Variants in COL24A1 observed in about 807,000 individuals in gnomAD.
COL24A1 encodes collagen type XXIV alpha 1 chain.
COL24A1 carries 224 observed loss-of-function variants against 253.9 expected under a neutral mutation model. That is an observed-to-expected ratio of 0.88 (90% CI 0.79 to 0.99). The LOEUF (loss-of-function observed/expected upper bound fraction) is 0.99. Ranked by LOEUF, COL24A1 falls within the 50% of genes least tolerant of loss-of-function variation. COL24A1 has a pLI of 0.00. For synonymous variants in COL24A1, 685 were observed against 673.7 expected (o/e 1.02, Z -0.26); for missense variants, 2,131 against 2,068.5 (o/e 1.03, Z -0.59).
At chr1:86,123,505 A>G (rs1248323796) in intron 3 of COL24A1, among the ~76,000 whole-genome samples, 1 of 152,108 alleles carries the variant, frequency 6.6e-6, no homozygotes, top group Non-Finnish European at 1.5e-5. Context: ...AGTTATACAT[A>G]CTTTGTGTTC....
At position 85,774,998 on chromosome 1, in the gene COL24A1, G is replaced by A. The variant is rs551809655; in HGVS notation, c.4374+676C>T. ...TCTTAGATCTTTCCTGCTTTCTCTC[G>A]TGGGCATTTAGTGCTATAAATTTCC... On this transcript the variant is annotated intron_variant, in intron 53 of 59. Coordinates refer to ENST00000370571, the MANE Select transcript of COL24A1 (RefSeq NM_152890.7). 3.9e-5 allele frequency among the ~76,000 whole-genome samples: 6 copies of A among 152,146 alleles called. No homozygotes were observed. The South Asian group carries it at 6.2e-4, about 16-fold the overall frequency.
intron 5 of COL24A1, among the ~76,000 whole-genome samples, chr1:86,103,055 G>C (rs2102060081): frequency 6.6e-6 from 1 of 152,272 alleles, no homozygotes; most frequent in Non-Finnish European, 1.5e-5. Flanking sequence ...TATGAATCTG[G>C]TTGCTCCTGT....
chr1:85,781,356 A>C, intron 51 of COL24A1, 83 bp from the exon 52 acceptor site: 15 of 893,952 alleles, frequency 1.7e-5, no homozygotes, highest in Non-Finnish European at 2.6e-5. Context: ...TACAATGGTA[A>C]AAGAGCCATG....
At chr1:86,028,584 C>A (rs1698261794) in intron 14 of COL24A1, among the ~76,000 whole-genome samples, 2 of 152,238 alleles carry the variant, frequency 1.3e-5, no homozygotes, top group African/African-American at 4.8e-5. Flanking sequence ...CAATGTGGAA[C>A]TGTGAGTCAA....
chr1:85,755,386 T>C (rs2101037174), intron 55 of COL24A1, among the ~76,000 whole-genome samples: 1 of 152,246 alleles, frequency 6.6e-6, no homozygotes, highest in East Asian at 1.9e-4. Flanking sequence ...AGTTACAATA[T>C]AGTAAATATA....
chr1:86,070,691 G>A (rs1487340011), intron 7 of COL24A1, among the ~76,000 whole-genome samples: 1 of 152,134 alleles, frequency 6.6e-6, no homozygotes, highest in Non-Finnish European at 1.5e-5. Context: ...CATATTTAAA[G>A]TGCTGAAGGA....
Position 85,730,606 on chromosome 1 carries a change from A to G in COL24A1, c.5085T>C (p.Leu1695=), listed in dbSNP as rs1427014630. The G allele has an allele frequency of 1.9e-5, 31 of 1,614,026 alleles. No homozygotes were observed. The highest frequency in any genetic ancestry group is 2.4e-5 in the Non-Finnish European group (28 of 1,179,916). The part of the protein sequence containing the change: ...NQLPVIEVQK[L]PHLKTERKYY... The stretch of plus-strand genomic sequence containing the variant: ...ACTTTCGTTCAGTTTTGAGATGAGG[A>G]AGTTTTTGTACTTCAATCACTGGAA... The change falls in exon 60 of 60, where the codon CTT becomes CTC. Residue 1695 remains leucine, a synonymous_variant. Transcript: ENST00000370571.
intron 13 of COL24A1, among the ~76,000 whole-genome samples, chr1:86,033,275 C>A (rs931951550): frequency 2.8e-4 from 43 of 152,058 alleles, no homozygotes; most frequent in African/African-American, 9.4e-4. Flanking sequence ...ACTTTAAAAT[C>A]TTATGAAAAG....
intron 47 of COL24A1, among the ~76,000 whole-genome samples, chr1:85,813,817 C>G (rs904607461): frequency 2.6e-5 from 4 of 152,024 alleles, no homozygotes; most frequent in African/African-American, 9.7e-5. Context: ...TCCCAAAGTG[C>G]TGGGATTACA....
intron 47 of COL24A1, among the ~76,000 whole-genome samples, chr1:85,796,896 T>G (rs569909605): frequency 1.7e-4 from 26 of 152,130 alleles, no homozygotes; most frequent in Admixed American, 3.9e-4. Context: ...TCCTAACAAC[T>G]ATGCAAAGAA....
At chr1:85,823,932 TTTTC>T (rs762249294) in intron 43 of COL24A1, among the ~76,000 whole-genome samples, 194 bp from the exon 44 acceptor site, 22 of 151,716 alleles carry the variant, frequency 1.5e-4, no homozygotes, top group South Asian at 4.2e-4. Context: ...CAAGTTAGGG[TTTTC>T]TTTCTTTCTT....
intron 37 of COL24A1, among the ~76,000 whole-genome samples, chr1:85,857,831 C>A (rs1678629242): frequency 6.6e-6 from 1 of 152,154 alleles, no homozygotes; most frequent in Non-Finnish European, 1.5e-5. Flanking sequence ...CAATGCATTC[C>A]ACTAATCAGT....
At chr1:85,871,372 A>C (rs991166299) in intron 35 of COL24A1, among the ~76,000 whole-genome samples, 1 of 152,174 alleles carries the variant, frequency 6.6e-6, no homozygotes, top group African/African-American at 2.4e-5. Flanking sequence ...CTGATACCAA[A>C]GCCTGGCAGA....
intron 29 of COL24A1, 127 bp from the exon 30 acceptor site, chr1:85,896,192 A>G: frequency 8.3e-7 from 1 of 1,198,724 alleles, no homozygotes; most frequent in Non-Finnish European, 1.2e-6. Context: ...TTGAAAAGAA[A>G]ACATCTCTGC....
intron 22 of COL24A1, among the ~76,000 whole-genome samples, chr1:85,968,065 C>T (rs1037230732): frequency 4.6e-5 from 7 of 152,118 alleles, no homozygotes; most frequent in African/African-American, 1.7e-4. Flanking sequence ...ACATCTTTCT[C>T]CCATGCTGGA....
chr1:85,985,502 G>C (rs1254912601), intron 20 of COL24A1, among the ~76,000 whole-genome samples: 1 of 151,780 alleles, frequency 6.6e-6, no homozygotes, highest in Non-Finnish European at 1.5e-5. Context: ...TTAAGCAAAA[G>C]AGTGACATGA....
intron 24 of COL24A1, among the ~76,000 whole-genome samples, chr1:85,951,504 A>G (rs1401822927): frequency 6.6e-6 from 1 of 152,206 alleles, no homozygotes; most frequent in Non-Finnish European, 1.5e-5. Context: ...GTGATGTTTA[A>G]TGAATATTGA....
At chr1:86,156,199 G>A in intron 1 of COL24A1, 142 bp downstream of exon 1, 1 of 650,936 alleles carries the variant, frequency 1.5e-6, no homozygotes, top group East Asian at 2.8e-5. Context: ...ACAAGGGGAA[G>A]ATACCGCGGG....
intron 30 of COL24A1, 32 bp downstream of exon 30, chr1:85,895,989 T>C (rs1358841782): frequency 6.2e-7 from 1 of 1,601,092 alleles, no homozygotes; most frequent in Admixed American, 1.8e-5. Context: ...CTTAAAATGT[T>C]CATCTTTAAT....
Sources: allele counts gnomAD v4.1 joint callset (sites outside exome capture counted in the v4.1 genomes callset), GRCh38; gene constraint gnomAD v4.1.1; transcripts MANE v1.5; gene names NCBI Gene and HGNC (gene_info 2026-07-23, HGNC 2026-07-21).